COLEC12: variants seen among roughly 807,000 people sequenced by gnomAD.
The protein encoded by COLEC12 is collectin subfamily member 12.
COLEC12 carries 33 observed loss-of-function variants against 71.1 expected under a neutral mutation model. The observed-to-expected ratio is 0.46, with a 90% CI of 0.35 to 0.62. COLEC12 has a LOEUF of 0.62. Ranked by LOEUF, COLEC12 falls within the 20% of genes least tolerant of loss-of-function variation. The probability of loss-of-function intolerance (pLI) is 0.00; values close to 1 mark genes in which losing one functional copy is unlikely to be tolerated. For synonymous variants in COLEC12, 350 were observed against 353.0 expected (o/e 0.99, Z 0.10); for missense variants, 765 against 916.1 (o/e 0.84, Z 2.13).
chr18:316,819 T>C lies in COLEC12; in HGVS notation c.*3226A>G, dbSNP rs1198958734. 6.6e-6 allele frequency: 1 copy of C among 152,116 alleles called. No homozygotes were observed. The highest frequency in any genetic ancestry group is 1.5e-5 in the Non-Finnish European group (1 of 68,018). The allele number at this position is 152,116 out of a possible 1,614,324, so 9.4% of individuals were successfully genotyped here. Reference sequence around the variant, plus strand: ...AAAAGCTGTTTAGAGGAAAAAACATTTTCTATCTTCTCATAGTAGTAAGTA... The same window carrying C: ...AAAAGCTGTTTAGAGGAAAAAACATCTTCTATCTTCTCATAGTAGTAAGTA... On this transcript the variant is annotated 3_prime_UTR_variant, in exon 10 of 10. Transcript: ENST00000400256.
chr18:384,515 G>T (rs892293439), intron 2 of COLEC12, among the ~76,000 whole-genome samples: 3 of 152,180 alleles, frequency 2.0e-5, no homozygotes, highest in Admixed American at 6.5e-5. Context: ...GCTATTAAAG[G>T]TGGGAACTAG....
intron 2 of COLEC12, among the ~76,000 whole-genome samples, chr18:438,364 A>G (rs771006112): frequency 6.6e-6 from 1 of 152,202 alleles, no homozygotes; most frequent in Non-Finnish European, 1.5e-5. Flanking sequence ...AATATACTCT[A>G]TATTTCTGCC....
chr18:396,225 G>A (rs1300366326), intron 2 of COLEC12, among the ~76,000 whole-genome samples: 1 of 152,192 alleles, frequency 6.6e-6, no homozygotes, highest in East Asian at 1.9e-4. Flanking sequence ...TGAGTAAGAA[G>A]TACAGGGCTC....
At chr18:468,972 G>A (rs191031013) in intron 2 of COLEC12, among the ~76,000 whole-genome samples, 4 of 152,378 alleles carry the variant, frequency 2.6e-5, no homozygotes, top group Non-Finnish European at 4.4e-5. Flanking sequence ...AATCAGCAGA[G>A]TGGCTTCACA....
At chr18:406,515 CAAAAAAAAA>C (rs34263909) in intron 2 of COLEC12, among the ~76,000 whole-genome samples, 2 of 90,446 alleles carry the variant, frequency 2.2e-5, no homozygotes, top group African/African-American at 4.9e-5. Context: ...GACTCCGTCT[CAAAAAAAAA>C]AAAAAAAAAA....
chr18:414,847 T>A (rs1382629808), intron 2 of COLEC12, among the ~76,000 whole-genome samples: 1 of 152,202 alleles, frequency 6.6e-6, no homozygotes, highest in African/African-American at 2.4e-5. Flanking sequence ...CTAGAACTGC[T>A]GATTAAGGTC....
intron 3 of COLEC12, among the ~76,000 whole-genome samples, chr18:351,718 T>C (rs642768): frequency 0.66 from 100,222 of 152,060 alleles, 33,649 homozygotes; most frequent in South Asian, 0.73. Context: ...CAGGAGCCTG[T>C]TACCACGCCC....
chr18:475,880 C>A (rs1438484716), intron 2 of COLEC12, among the ~76,000 whole-genome samples: 1 of 152,130 alleles, frequency 6.6e-6, no homozygotes, highest in African/African-American at 2.4e-5. Context: ...AGGCATGAGG[C>A]AGGGGCACTG....
At chr18:483,080 C>T (rs1917454385) in intron 1 of COLEC12, among the ~76,000 whole-genome samples, 1 of 152,130 alleles carries the variant, frequency 6.6e-6, no homozygotes, top group Admixed American at 6.5e-5. Context: ...GCTCAGAATA[C>T]TTGTTTGTTA....
At chr18:422,245 T>C (rs993385396) in intron 2 of COLEC12, among the ~76,000 whole-genome samples, 8 of 152,188 alleles carry the variant, frequency 5.3e-5, no homozygotes, top group Non-Finnish European at 1.2e-4. Flanking sequence ...CCTTTAAGGG[T>C]AGAAAATACG....
intron 1 of COLEC12, among the ~76,000 whole-genome samples, chr18:486,951 G>A (rs1917530137): frequency 6.6e-6 from 1 of 152,116 alleles, no homozygotes; most frequent in African/African-American, 2.4e-5. Context: ...ATACAATCCA[G>A]CAATTCTGCT....
intron 2 of COLEC12, among the ~76,000 whole-genome samples, chr18:450,903 G>A (rs1029177758): frequency 6.9e-6 from 1 of 144,880 alleles, no homozygotes; most frequent in African/African-American, 2.6e-5. Flanking sequence ...ATTGGGAACT[G>A]GAGTAAAGGC....
chr18:450,570 A>C (rs1216578141), intron 2 of COLEC12, among the ~76,000 whole-genome samples: 1 of 152,230 alleles, frequency 6.6e-6, no homozygotes, highest in Non-Finnish European at 1.5e-5. Flanking sequence ...TACAGCCTGC[A>C]GAACTGTGAG....
At chr18:484,812 C>T (rs1348860329) in intron 1 of COLEC12, among the ~76,000 whole-genome samples, 1 of 152,312 alleles carries the variant, frequency 6.6e-6, no homozygotes, top group Admixed American at 6.5e-5. Flanking sequence ...GCACAGTTTA[C>T]TCGCTTAGGT....
chr18:349,999 G>A (rs1230218929), intron 3 of COLEC12, among the ~76,000 whole-genome samples: 1 of 152,178 alleles, frequency 6.6e-6, no homozygotes, highest in Non-Finnish European at 1.5e-5. Context: ...AGACTTTAGG[G>A]TTAATGCTGA....
chr18:396,250 A>G (rs1915568984), intron 2 of COLEC12, among the ~76,000 whole-genome samples: 1 of 152,162 alleles, frequency 6.6e-6, no homozygotes, highest in Admixed American at 6.5e-5. Context: ...GTTTCTGCAA[A>G]CAAACAGCAT....
In COLEC12 at chr18:334,896, C is replaced by T; in HGVS notation, c.1662G>A (p.Gly554=). 1 of 1,535,210 alleles carries T rather than the reference C, an allele frequency of 6.5e-7. No homozygotes were observed. The highest frequency in any genetic ancestry group is 8.7e-7 in the Non-Finnish European group (1 of 1,150,642). Residue 554 remains glycine (G), a synonymous_variant, in exon 6 of 10, where the codon GGG becomes GGA. Coordinates refer to ENST00000400256, the MANE Select transcript of COLEC12 (RefSeq NM_130386.3). ...CCCGAGGTCCAGGCACCCCAGGCTC[C>T]CCAACGGTGCCCTGAAGTCCCTGGA... ...PGFQGLQGTV[G]EPGVPGPRGL... is the part of the protein sequence containing the mutation.
intron 2 of COLEC12, among the ~76,000 whole-genome samples, chr18:360,074 G>C (rs955138168): frequency 6.6e-6 from 1 of 152,200 alleles, no homozygotes; most frequent in Non-Finnish European, 1.5e-5. Flanking sequence ...ACTTAGAGCA[G>C]TGCTTCTCAA....
chr18:478,030 C>T (rs1435654897), intron 2 of COLEC12, among the ~76,000 whole-genome samples: 1 of 152,194 alleles, frequency 6.6e-6, no homozygotes, highest in Admixed American at 6.5e-5. Context: ...CATTTACCTT[C>T]TAAAGAATCA....
Sources: allele counts gnomAD v4.1 joint callset (sites outside exome capture counted in the v4.1 genomes callset), GRCh38; gene constraint gnomAD v4.1.1; transcripts MANE v1.5; gene names NCBI Gene and HGNC (gene_info 2026-07-23, HGNC 2026-07-21).